SLIT2: variants seen among roughly 807,000 people sequenced by gnomAD.
SLIT2 encodes the protein slit guidance ligand 2, also known as slit homolog 2 protein.
A neutral mutation model predicts 185.7 loss-of-function variants in SLIT2; 41 were observed. The observed-to-expected ratio is 0.22, with a 90% confidence interval of 0.17 to 0.29. SLIT2 has a LOEUF of 0.29. SLIT2 is among the 10% of genes least tolerant of loss of function. The pLI is 1.00. For synonymous variants in SLIT2, 693 were observed against 680.2 expected (o/e 1.02, Z -0.29); for missense variants, 1,571 against 1,909.0 (o/e 0.82, Z 3.30).
chr4:20,329,775 C>G (rs1719909035), intron 4 of SLIT2, among the ~76,000 whole-genome samples: 1 of 151,972 alleles, frequency 6.6e-6, no homozygotes, highest in Admixed American at 6.6e-5. Context: ...TGAAAATAAT[C>G]AGACAGGTTC....
intron 34 of SLIT2, among the ~76,000 whole-genome samples, chr4:20,612,745 GT>G (rs1468791950): frequency 6.6e-6 from 1 of 151,818 alleles, no homozygotes; most frequent in Non-Finnish European, 1.5e-5. Flanking sequence ...GTGAAACCCC[GT>G]CTCTACTAAA....
chr4:20,271,079 A>G lies in SLIT2; in HGVS notation c.395+2198A>G, dbSNP rs546607417. Among the ~76,000 whole-genome samples the G allele has an allele frequency of 3.0e-3, 460 of 152,152 alleles. 1 individual carries two copies. The highest frequency in any genetic ancestry group is 6.8e-3 in the Middle Eastern group (2 of 294). On this transcript the variant is annotated intron_variant, in intron 4 of 36. Transcript: ENST00000504154. The stretch of plus-strand genomic sequence containing the variant: ...TAGTGTAATTATGAAAAGCAAGGGT[A>G]CAAGTTCACATTTTCTCACATGATA...
chr4:20,523,300 C>T (rs1410381419), intron 12 of SLIT2, among the ~76,000 whole-genome samples: 4 of 152,134 alleles, frequency 2.6e-5, no homozygotes, highest in Non-Finnish European at 4.4e-5. Context: ...TGGGAGCTGT[C>T]GCATGGTTCT....
chr4:20,272,907 G>T (rs536249154), intron 4 of SLIT2, among the ~76,000 whole-genome samples: 3 of 152,168 alleles, frequency 2.0e-5, no homozygotes, highest in Admixed American at 6.6e-5. Flanking sequence ...CTAACATTAG[G>T]AATGGTATTT....
chr4:20,512,675 A>G (rs1719862677), intron 11 of SLIT2, among the ~76,000 whole-genome samples: 2 of 152,216 alleles, frequency 1.3e-5, no homozygotes, highest in African/African-American at 4.8e-5. Context: ...TATCCAGAGT[A>G]AACATTGACA....
At chr4:20,519,301 A>G (rs1242637937) in intron 11 of SLIT2, 81 bp from the exon 12 acceptor site, 2 of 735,206 alleles carry the variant, frequency 2.7e-6, no homozygotes, top group Non-Finnish European at 4.8e-6. Flanking sequence ...AGCTTCCTGT[A>G]TGCCTGAGTA....
At chr4:20,404,284 A>G (rs552120965) in intron 4 of SLIT2, among the ~76,000 whole-genome samples, 5 of 152,058 alleles carry the variant, frequency 3.3e-5, no homozygotes, top group Admixed American at 6.6e-5. Context: ...CTATATTACA[A>G]TCTCACATAT....
chr4:20,319,814 A>C (rs868125204), intron 4 of SLIT2, among the ~76,000 whole-genome samples: 27 of 151,910 alleles, frequency 1.8e-4, no homozygotes, highest in Non-Finnish European at 3.5e-4. Context: ...AACAAAACAA[A>C]AAAAAAACAA....
intron 4 of SLIT2, among the ~76,000 whole-genome samples, chr4:20,340,951 AGAAAGACG>A (rs1560333048): frequency 1.3e-5 from 2 of 152,198 alleles, no homozygotes; most frequent in African/African-American, 4.8e-5. Context: ...GGAAGAAAAA[AGAAAGACG>A]GAATGAGGAG....
chr4:20,586,827 GGTT>G (rs760362816), intron 29 of SLIT2, among the ~76,000 whole-genome samples: 2 of 152,104 alleles, frequency 1.3e-5, no homozygotes, highest in Non-Finnish European at 2.9e-5. Flanking sequence ...AATTGTGAAA[GGTT>G]GTTATTAAAG....
intron 21 of SLIT2, among the ~76,000 whole-genome samples, chr4:20,543,266 T>G (rs1283351537): frequency 6.6e-6 from 1 of 152,106 alleles, no homozygotes; most frequent in South Asian, 2.1e-4. Context: ...TAACTGATAT[T>G]TAACCACAAA....
At chr4:20,599,022 T>C (rs1040138995) in intron 33 of SLIT2, among the ~76,000 whole-genome samples, 3 of 152,104 alleles carry the variant, frequency 2.0e-5, no homozygotes, top group African/African-American at 7.2e-5. Flanking sequence ...TAACTTCAGG[T>C]TGCCATTCAT....
intron 11 of SLIT2, among the ~76,000 whole-genome samples, chr4:20,515,689 T>G (rs1478888494): frequency 1.3e-5 from 2 of 152,224 alleles, no homozygotes; most frequent in Non-Finnish European, 2.9e-5. Flanking sequence ...TTAAAAAAAT[T>G]TATAAGTATA....
chr4:20,301,821 A>G (rs552189539), intron 4 of SLIT2, among the ~76,000 whole-genome samples: 1 of 152,298 alleles, frequency 6.6e-6, no homozygotes, highest in South Asian at 2.1e-4. Context: ...AGAAATGATG[A>G]ATATTTTATT....
chr4:20,290,781 C>T lies in SLIT2; in HGVS notation c.395+21900C>T, dbSNP rs142781892. ...TTTTTTTTTTTTTTCTGATTACACTCATGATTTACAGAAGAAAGGTTAGCA... is the reference window on the plus strand; with the variant it reads ...TTTTTTTTTTTTTTCTGATTACACTTATGATTTACAGAAGAAAGGTTAGCA... On this transcript the variant is annotated intron_variant, in intron 4 of 36. Transcript: ENST00000504154. Among the ~76,000 whole-genome samples, 395 of 147,274 alleles carry T rather than the reference C, an allele frequency of 2.7e-3. 1 individual carries two copies. Among genetic ancestry groups the T allele is most frequent in the Non-Finnish European group, 4.2e-3 (281 of 67,352 alleles).
At chr4:20,440,217 T>A (rs1729646517) in intron 4 of SLIT2, among the ~76,000 whole-genome samples, 1 of 152,042 alleles carries the variant, frequency 6.6e-6, no homozygotes, top group Non-Finnish European at 1.5e-5. Flanking sequence ...AAAAAAAAAA[T>A]TGTTGGTACT....
At chr4:20,402,807 C>CT in intron 4 of SLIT2, among the ~76,000 whole-genome samples, 1 of 151,368 alleles carries the variant, frequency 6.6e-6, no homozygotes, top group Non-Finnish European at 1.5e-5. Context: ...AAGAATTTTA[C>CT]TTTTTTAGTA....
At chr4:20,337,245 C>T (rs186587482) in intron 4 of SLIT2, among the ~76,000 whole-genome samples, 19 of 152,146 alleles carry the variant, frequency 1.2e-4, no homozygotes, top group East Asian at 3.9e-4. Context: ...ACAATCATGG[C>T]GGAAGGCAAG....
chr4:20,612,660 G>A lies in SLIT2; in HGVS notation c.3847+2493G>A, dbSNP rs576590900. ...CAGCTGGGCGCGGTGGCTCACGTCCGTAATCCCAGCACTTTGGGAGGCCAA... is the reference window on the plus strand; with the variant it reads ...CAGCTGGGCGCGGTGGCTCACGTCCATAATCCCAGCACTTTGGGAGGCCAA... On this transcript the variant is annotated intron_variant, in intron 34 of 36. Transcript: ENST00000504154. 1.3e-4 allele frequency among the ~76,000 whole-genome samples: 20 copies of A among 152,212 alleles called. No homozygotes were observed. In the South Asian group the frequency reaches 3.9e-3, roughly 30 times the overall value.
Sources: allele counts gnomAD v4.1 joint callset (sites outside exome capture counted in the v4.1 genomes callset), GRCh38; gene constraint gnomAD v4.1.1; transcripts MANE v1.5; gene names NCBI Gene and HGNC (gene_info 2026-07-23, HGNC 2026-07-21).